ZFYVE9: variants seen among roughly 807,000 people sequenced by gnomAD.
ZFYVE9 encodes zinc finger FYVE domain-containing protein 9.
In ZFYVE9, 43 loss-of-function variants were observed where a neutral mutation model predicts 126.7. That is an observed-to-expected ratio of 0.34 (90% CI 0.27 to 0.44). ZFYVE9 has a LOEUF of 0.44. Among genes scored for constraint, ZFYVE9 ranks in the 20% least tolerant of loss-of-function variants. ZFYVE9 has a pLI of 1.00. For synonymous variants in ZFYVE9, 521 were observed against 597.4 expected (o/e 0.87, Z 1.87); for missense variants, 1,476 against 1,697.0 (o/e 0.87, Z 2.29).
At chr1:52,231,051 C>G (rs1232562062) in intron 2 of ZFYVE9, among the ~76,000 whole-genome samples, 7 of 152,100 alleles carry the variant, frequency 4.6e-5, no homozygotes, top group Non-Finnish European at 1.5e-5. Context: ...CCATAAAATG[C>G]TGTTAAATAT....
chr1:52,301,291 CTTTTTTTTTTTTTTTT>C (rs527599525), intron 12 of ZFYVE9, among the ~76,000 whole-genome samples: 4 of 72,644 alleles, frequency 5.5e-5, no homozygotes, highest in African/African-American at 1.9e-4. Flanking sequence ...CTTTTTCCAT[CTTTTTTTTTTTTTTTT>C]TTTTTTTTTT....
intron 13 of ZFYVE9, among the ~76,000 whole-genome samples, chr1:52,321,151 C>T (rs546126845): frequency 2.0e-5 from 3 of 152,220 alleles, no homozygotes; most frequent in Non-Finnish European, 4.4e-5. Flanking sequence ...AGATTCTTTC[C>T]CACTCTTAAG....
chr1:52,324,370 G>A (rs1054905556), intron 13 of ZFYVE9, among the ~76,000 whole-genome samples: 2 of 152,156 alleles, frequency 1.3e-5, no homozygotes, highest in Admixed American at 6.5e-5. Flanking sequence ...CTAGCCTCTG[G>A]ACACTAGTGA....
Position 52,238,976 on chromosome 1 carries a change from A to G in ZFYVE9, c.1559A>G (p.Tyr520Cys), listed in dbSNP as rs376854283. The G allele has an allele frequency of 2.6e-5, 42 of 1,614,056 alleles. No individual in the cohort carries two copies. The highest frequency in any genetic ancestry group is 2.5e-6 in the Non-Finnish European group (3 of 1,180,016). Reference sequence around the variant, plus strand: ...AAGTCAGAATGCTACTCAAATATTTATGAACAGAGAGGAAATGAGGCCACA... The same window carrying G: ...AAGTCAGAATGCTACTCAAATATTTGTGAACAGAGAGGAAATGAGGCCACA... ...ESKSECYSNI[Y>C]EQRGNEATEG... is the part of the protein sequence containing the mutation. Residue 520 changes from tyrosine to cysteine, a missense_variant, in exon 4 of 19, where the codon TAT becomes TGT. Physicochemically the swap from Tyr to Cys is radical, Grantham distance 194. Transcript: ENST00000287727.
chr1:52,239,332 A>C lies in ZFYVE9; in HGVS notation c.1915A>C (p.Ile639Leu). ...TNVCSPSLGN[I>L]SNVDTNGEHL... ...TGTATGCAGTCCATCTTTGGGAAACATCTCTAATGTCGATACAAATGGGGA... is the reference window on the plus strand; with the variant it reads ...TGTATGCAGTCCATCTTTGGGAAACCTCTCTAATGTCGATACAAATGGGGA... Residue 639 changes from isoleucine to leucine, a missense_variant, in exon 4 of 19, where the codon ATC (isoleucine) becomes CTC (leucine). This residue lies in a region of ZFYVE9 where 807 missense variants were observed against 794.6 expected (regional missense o/e 1.02). Coordinates refer to ENST00000287727, the MANE Select transcript of ZFYVE9 (RefSeq NM_004799.4). The C allele has an allele frequency of 1.2e-6, 2 of 1,614,228 alleles. No homozygotes were observed. Among genetic ancestry groups the C allele is most frequent in the Non-Finnish European group, 1.7e-6 (2 of 1,180,018 alleles).
chr1:52,180,035 T>C (rs1644683083), intron 1 of ZFYVE9: 3 of 833,614 alleles, frequency 3.6e-6, no homozygotes, highest in Non-Finnish European at 4.3e-6. Flanking sequence ...ATGAGGAGGA[T>C]GAATGTGCTA....
intron 13 of ZFYVE9, among the ~76,000 whole-genome samples, chr1:52,316,556 TAATATC>T (rs1646187598): frequency 6.6e-6 from 1 of 151,950 alleles, no homozygotes; most frequent in South Asian, 2.1e-4. Flanking sequence ...ATGGCTATAT[TAATATC>T]TAGGTTATTT....
intron 1 of ZFYVE9, among the ~76,000 whole-genome samples, chr1:52,198,346 T>C (rs897116014): frequency 1.3e-5 from 2 of 151,868 alleles, no homozygotes; most frequent in African/African-American, 4.8e-5. Flanking sequence ...TGAGGTCAGG[T>C]GATCCACCTG....
intron 1 of ZFYVE9, among the ~76,000 whole-genome samples, chr1:52,164,073 T>A (rs1482971666): frequency 6.6e-6 from 1 of 150,578 alleles, no homozygotes; most frequent in African/African-American, 2.4e-5. Flanking sequence ...CACCTTGGTC[T>A]CCCCAGTAGC....
intron 8 of ZFYVE9, among the ~76,000 whole-genome samples, chr1:52,274,858 A>T (rs1014878551): frequency 2.0e-5 from 3 of 152,210 alleles, no homozygotes; most frequent in African/African-American, 7.2e-5. Flanking sequence ...ATTTCAAAGC[A>T]CATAATATTC....
intron 4 of ZFYVE9, among the ~76,000 whole-genome samples, chr1:52,257,844 G>A (rs994292939): frequency 1.3e-5 from 2 of 152,138 alleles, no homozygotes; most frequent in African/African-American, 2.4e-5. Context: ...TCCTGCCTCA[G>A]CCTCCTGAGT....
rs1487428044 is a variant in ZFYVE9 at position 52,238,338 on chromosome 1, A to G, written c.921A>G (p.Pro307=). 1 of 1,613,860 alleles carries G rather than the reference A, an allele frequency of 6.2e-7. No homozygotes were observed. Among genetic ancestry groups the G allele is most frequent in the East Asian group, 2.2e-5 (1 of 44,890 alleles). ...ISSPRTDLGS[P]NSFSHMSEGI... ...CTCCTAGGACAGATCTAGGGAGTCC[A>G]AATTCCTTTTCCCACATGAGTGAGG... is the stretch of plus-strand genomic sequence containing the variant. The change falls in exon 4 of 19, where the codon CCA becomes CCG. Residue 307 remains proline, a synonymous_variant. Transcript: ENST00000287727.
chr1:52,177,416 G>C (rs1480875230), intron 1 of ZFYVE9, among the ~76,000 whole-genome samples: 1 of 152,152 alleles, frequency 6.6e-6, no homozygotes, highest in African/African-American at 2.4e-5. Context: ...CAAAGTGCTG[G>C]ATTACAGGCG....
intron 10 of ZFYVE9, among the ~76,000 whole-genome samples, chr1:52,285,107 T>C (rs1054247291): frequency 6.6e-6 from 1 of 152,108 alleles, no homozygotes; most frequent in Admixed American, 6.6e-5. Flanking sequence ...CAGACCAAGT[T>C]GGTGGCAGAA....
chr1:52,276,849 T>C (rs1237765283), intron 8 of ZFYVE9, among the ~76,000 whole-genome samples: 1 of 152,246 alleles, frequency 6.6e-6, no homozygotes, highest in Non-Finnish European at 1.5e-5. Context: ...TATTTTCAGA[T>C]CGTATTCTTT....
At position 52,307,208 on chromosome 1, in the gene ZFYVE9, T is replaced by C. The variant is rs576533494; in HGVS notation, c.3438+3283T>C. On this transcript the variant is annotated intron_variant, in intron 13 of 18. Coordinates refer to ENST00000287727, the MANE Select transcript of ZFYVE9 (RefSeq NM_004799.4). ...TTTGTACAAGTATATCTGTAAAAGCTGAGGCGCTCATAGTTATTTCTTTTT... is the reference window on the plus strand; with the variant it reads ...TTTGTACAAGTATATCTGTAAAAGCCGAGGCGCTCATAGTTATTTCTTTTT... 2.6e-5 allele frequency among the ~76,000 whole-genome samples: 4 copies of C among 152,338 alleles called. No individual in the cohort carries two copies. In the South Asian group the frequency reaches 8.3e-4, roughly 32 times the overall value.
chr1:52,210,811 C>T (rs933218661), intron 1 of ZFYVE9, among the ~76,000 whole-genome samples: 2 of 152,160 alleles, frequency 1.3e-5, no homozygotes, highest in East Asian at 1.9e-4. Flanking sequence ...CCTGCCACCA[C>T]AGCTGGCTAA....
intron 1 of ZFYVE9, among the ~76,000 whole-genome samples, chr1:52,168,202 C>T (rs2124520536): frequency 6.6e-6 from 1 of 150,596 alleles, no homozygotes; most frequent in African/African-American, 2.5e-5. Flanking sequence ...TCCTCTTCCT[C>T]CTCTTCGTCT....
In ZFYVE9 at chr1:52,274,480, T is replaced by A; in HGVS notation, c.2642T>A (p.Phe881Tyr). Residue 881 changes from phenylalanine (F) to tyrosine (Y), a missense_variant, in exon 8 of 19, where the codon TTC (phenylalanine) becomes TAC (tyrosine). Phe to Tyr is a conservative substitution (Grantham distance 22, BLOSUM62 3). This residue lies in a region of ZFYVE9 where 669 missense variants were observed against 902.4 expected (regional missense o/e 0.74). Coordinates refer to ENST00000287727, the MANE Select transcript of ZFYVE9 (RefSeq NM_004799.4). ...PLPAETDICL[F>Y]SGSITQVGSP... Reference sequence around the variant, plus strand: ...TTTTCCTAGACGGATATTTGTCTATTCTCTGGGAGTATAACTCAGGTTGGA... The same window carrying A: ...TTTTCCTAGACGGATATTTGTCTATACTCTGGGAGTATAACTCAGGTTGGA... 2.5e-6 allele frequency: 4 copies of A among 1,610,414 alleles called. No individual in the cohort carries two copies. The Admixed American group carries it at 5.0e-5, about 20-fold the overall frequency.
Sources: gnomAD v4.1 joint callset for allele counts (sites outside exome capture counted in the v4.1 genomes callset) on GRCh38, gnomAD v4.1.1 for gene constraint, gnomAD v4.1.1 regional missense constraint, MANE v1.5 for transcripts, NCBI Gene and HGNC (gene_info 2026-07-23, HGNC 2026-07-21) for gene names.